NEGR1: variants seen among roughly 807,000 people sequenced by gnomAD.
NEGR1 encodes neuronal growth regulator 1.
A neutral mutation model predicts 40.9 loss-of-function variants in NEGR1; 10 were observed. The ratio of observed to expected loss-of-function variants is 0.24; its 90% confidence interval spans 0.15 to 0.42. The LOEUF (loss-of-function observed/expected upper bound fraction) is 0.42. Ranked by LOEUF, NEGR1 falls within the 10% of genes least tolerant of loss-of-function variation. NEGR1 has a pLI of 1.00. For synonymous variants in NEGR1, 185 were observed against 166.8 expected (o/e 1.11, Z -0.84); for missense variants, 352 against 438.9 (o/e 0.80, Z 1.77).
intron 1 of NEGR1, among the ~76,000 whole-genome samples, chr1:72,111,817 G>C (rs1649382207): frequency 6.6e-6 from 1 of 151,786 alleles, no homozygotes; most frequent in Non-Finnish European, 1.5e-5. Flanking sequence ...GAAATGGAGA[G>C]AATGGCAAAG....
At chr1:72,243,161 G>A (rs1185370053) in intron 1 of NEGR1, among the ~76,000 whole-genome samples, 1 of 151,446 alleles carries the variant, frequency 6.6e-6, no homozygotes, top group East Asian at 1.9e-4. Context: ...ATTAATGAGG[G>A]TAAGTCATAC....
intron 1 of NEGR1, among the ~76,000 whole-genome samples, chr1:72,089,333 G>A (rs192927401): frequency 3.9e-5 from 6 of 152,196 alleles, no homozygotes; most frequent in South Asian, 2.1e-4. Context: ...TACAAGGGCT[G>A]GCAGACTAAA....
At chr1:71,935,025 T>G (rs1645890782) in intron 2 of NEGR1, 54 bp downstream of exon 2, 1 of 1,032,776 alleles carries the variant, frequency 9.7e-7, no homozygotes, top group Non-Finnish European at 1.5e-6. Flanking sequence ...TACCTAAATA[T>G]TAAATATTTC....
chr1:71,675,111 T>TAATATATATATATATATATATATA (rs1652574362), intron 4 of NEGR1, among the ~76,000 whole-genome samples: 1 of 3,658 alleles, frequency 2.7e-4, no homozygotes. Flanking sequence ...GCATGTTTAT[T>TAATATATATATATATATATATATA]CATATATATA....
At chr1:72,280,043 C>G (rs2100570617) in intron 1 of NEGR1, among the ~76,000 whole-genome samples, 1 of 152,172 alleles carries the variant, frequency 6.6e-6, no homozygotes, top group Non-Finnish European at 1.5e-5. Flanking sequence ...TGAGAAGACA[C>G]AGAGACTCTG....
intron 6 of NEGR1, among the ~76,000 whole-genome samples, chr1:71,500,641 C>T (rs189853044): frequency 3.3e-5 from 5 of 152,086 alleles, no homozygotes; most frequent in Admixed American, 2.0e-4. Flanking sequence ...AATGTCAGCA[C>T]TTAATGTTTG....
At chr1:71,560,562 A>G (rs1032870883) in intron 6 of NEGR1, among the ~76,000 whole-genome samples, 2 of 150,670 alleles carry the variant, frequency 1.3e-5, no homozygotes, top group African/African-American at 2.4e-5. Context: ...GTCACCCAGC[A>G]TATTTCAACT....
At chr1:71,712,170 T>G (rs1051894139) in intron 3 of NEGR1, among the ~76,000 whole-genome samples, 10 of 152,190 alleles carry the variant, frequency 6.6e-5, no homozygotes, top group African/African-American at 9.7e-5. Context: ...TTACTTTATG[T>G]AAATATAAAG....
At chr1:71,945,584 C>T (rs1439826202) in intron 1 of NEGR1, among the ~76,000 whole-genome samples, 2 of 151,310 alleles carry the variant, frequency 1.3e-5, no homozygotes, top group Non-Finnish European at 2.9e-5. Flanking sequence ...ATTTACTCCC[C>T]TTTGAACTGC....
At chr1:71,417,740 G>C (rs971385555) in intron 6 of NEGR1, among the ~76,000 whole-genome samples, 1 of 152,140 alleles carries the variant, frequency 6.6e-6, no homozygotes, top group Non-Finnish European at 1.5e-5. Flanking sequence ...AAGCAAATTA[G>C]ACAACTAAGT....
At chr1:71,573,256 T>G (rs1195069431) in intron 6 of NEGR1, among the ~76,000 whole-genome samples, 7 of 152,206 alleles carry the variant, frequency 4.6e-5, no homozygotes, top group Non-Finnish European at 4.4e-5. Flanking sequence ...ATTTGAAGAT[T>G]GATACGAAGT....
chr1:71,686,292 G>T (rs2101616428), intron 4 of NEGR1, among the ~76,000 whole-genome samples: 1 of 152,082 alleles, frequency 6.6e-6, no homozygotes, highest in Admixed American at 6.5e-5. Context: ...AACATACAAT[G>T]AGGCAACAAA....
In NEGR1 at chr1:71,703,879, A is replaced by G. The variant is rs1173890033; in HGVS notation, c.536-5740T>C. The stretch of plus-strand genomic sequence containing the variant: ...CCCATAAAGGGGACAGAAAAAATAT[A>G]TTAAGAAATAAAGGTTGAATGGTTT... On this transcript the variant is annotated intron_variant, in intron 3 of 6. Coordinates refer to ENST00000357731, the MANE Select transcript of NEGR1 (RefSeq NM_173808.3). Among the ~76,000 whole-genome samples the G allele has an allele frequency of 2.0e-5, 3 of 151,972 alleles. No homozygotes were observed. The East Asian group carries it at 5.8e-4, about 29-fold the overall frequency.
intron 1 of NEGR1, among the ~76,000 whole-genome samples, chr1:72,079,280 C>G (rs1647884628): frequency 6.6e-6 from 1 of 151,710 alleles, no homozygotes; most frequent in Non-Finnish European, 1.5e-5. Context: ...GCTTAATAAT[C>G]AGATCTAAGC....
At chr1:71,710,112 C>G (rs771116888) in intron 3 of NEGR1, among the ~76,000 whole-genome samples, 2 of 152,102 alleles carry the variant, frequency 1.3e-5, no homozygotes, top group Non-Finnish European at 2.9e-5. Flanking sequence ...AGAAGACATA[C>G]AAATAGCAAA....
chr1:71,986,437 A>G (rs1264510190), intron 1 of NEGR1, among the ~76,000 whole-genome samples: 1 of 152,190 alleles, frequency 6.6e-6, no homozygotes, highest in Non-Finnish European at 1.5e-5. Context: ...GTCTGGTCCT[A>G]CAGACTGATC....
intron 1 of NEGR1, among the ~76,000 whole-genome samples, chr1:72,259,468 G>C (rs1232364379): frequency 6.6e-6 from 1 of 151,958 alleles, no homozygotes; most frequent in Non-Finnish European, 1.5e-5. Context: ...ACGACTCTTT[G>C]TGACATCTGA....
chr1:71,862,217 A>C (rs539268102), intron 2 of NEGR1, among the ~76,000 whole-genome samples: 8 of 152,088 alleles, frequency 5.3e-5, no homozygotes, highest in Non-Finnish European at 1.0e-4. Flanking sequence ...TTAGAAGACG[A>C]AATTTGAACA....
At chr1:71,794,591 A>G (rs1009562330) in intron 2 of NEGR1, 5 of 152,158 alleles carry the variant, frequency 3.3e-5, no homozygotes, top group Non-Finnish European at 7.4e-5. Flanking sequence ...CATGTACATA[A>G]ATAAGTTATG....
Sources: gnomAD v4.1 joint callset for allele counts (sites outside exome capture counted in the v4.1 genomes callset) on GRCh38, gnomAD v4.1.1 for gene constraint, MANE v1.5 for transcripts, NCBI Gene and HGNC (gene_info 2026-07-23, HGNC 2026-07-21) for gene names.